Variants in MBNL2 observed in about 807,000 individuals in gnomAD.
MBNL2 encodes muscleblind like splicing regulator 2.
MBNL2 carries 17 observed loss-of-function variants against 41.9 expected under a neutral mutation model. The observed-to-expected ratio is 0.41, with a 90% CI of 0.28 to 0.61. MBNL2 has a LOEUF of 0.61. Among genes scored for constraint, MBNL2 ranks in the 20% least tolerant of loss-of-function variants. The pLI is 0.35. For synonymous variants in MBNL2, 195 were observed against 182.9 expected (o/e 1.07, Z -0.53); for missense variants, 336 against 505.6 (o/e 0.66, Z 3.22).
At chr13:97,191,379 G>T in the MBNL2 span, among the ~76,000 whole-genome samples, 1 of 149,554 alleles carries the variant, frequency 6.7e-6, no homozygotes, top group African/African-American at 2.5e-5. Context: ...GCCTTGAGGA[G>T]TCCCTGTTTC....
At chr13:97,273,038 TG>T (rs1566381439) in intron 1 of MBNL2, among the ~76,000 whole-genome samples, 1 of 152,258 alleles carries the variant, frequency 6.6e-6, no homozygotes, top group African/African-American at 2.4e-5. Flanking sequence ...GCATAGCTCC[TG>T]GAGAACTTTT....
chr13:97,169,227 T>C, the MBNL2 span, among the ~76,000 whole-genome samples: 16 of 152,236 alleles, frequency 1.1e-4, no homozygotes, highest in Non-Finnish European at 1.9e-4. Flanking sequence ...ACTTGATTAC[T>C]CTGTTCTTGT....
intron 2 of MBNL2, among the ~76,000 whole-genome samples, chr13:97,296,475 T>C (rs970694002): frequency 3.3e-5 from 5 of 152,104 alleles, no homozygotes; most frequent in Non-Finnish European, 7.4e-5. Context: ...AGAGAAACTG[T>C]TTTTCCCCCC....
At chr13:97,227,281 C>T (rs574819680) in intron 1 of MBNL2, among the ~76,000 whole-genome samples, 4 of 152,134 alleles carry the variant, frequency 2.6e-5, no homozygotes, top group Admixed American at 2.6e-4. Context: ...ATGGGCAGGT[C>T]CAAGGTTTAT....
At chr13:97,304,892 G>T (rs1566405409) in intron 2 of MBNL2, among the ~76,000 whole-genome samples, 6 of 152,298 alleles carry the variant, frequency 3.9e-5, no homozygotes, top group African/African-American at 1.2e-4. Context: ...AAGTTGGAGG[G>T]ATACCAGCTC....
chr13:97,248,974 C>G (rs1458141947), intron 1 of MBNL2, among the ~76,000 whole-genome samples: 1 of 152,136 alleles, frequency 6.6e-6, no homozygotes, highest in Non-Finnish European at 1.5e-5. Flanking sequence ...AATCTCTTTT[C>G]TTAAAAGTGG....
intron 8 of MBNL2, among the ~76,000 whole-genome samples, chr13:97,389,625 G>T (rs1362459732): frequency 2.0e-5 from 3 of 152,086 alleles, no homozygotes; most frequent in African/African-American, 7.2e-5. Flanking sequence ...AGGATTGCTT[G>T]AGGCCAGGAA....
At chr13:97,255,630 T>C (rs1308756751) in intron 1 of MBNL2, among the ~76,000 whole-genome samples, 2 of 152,248 alleles carry the variant, frequency 1.3e-5, no homozygotes, top group Non-Finnish European at 2.9e-5. Flanking sequence ...AGGCTACCCG[T>C]AGATGGCAGC....
Position 97,350,016 on chromosome 13 carries a change from A to G in MBNL2, c.804+2949A>G, listed in dbSNP as rs188144830. Among the ~76,000 whole-genome samples, 566 of 152,314 alleles carry G rather than the reference A, an allele frequency of 3.7e-3. 3 individuals carry two copies. The highest frequency in any genetic ancestry group is 0.013 in the African/African-American group (544 of 41,574). ...CTGTGATTGACTCAGCCTGGGTCCCAGTGGCTATCCTTGGTCACTGAGGTA... is the reference window on the plus strand; with the variant it reads ...CTGTGATTGACTCAGCCTGGGTCCCGGTGGCTATCCTTGGTCACTGAGGTA... On this transcript the variant is annotated intron_variant, in intron 5 of 8. Coordinates refer to ENST00000679496, the MANE Select transcript of MBNL2 (RefSeq NM_001382683.1).
intron 2 of MBNL2, among the ~76,000 whole-genome samples, chr13:97,291,047 G>A (rs1350376559): frequency 6.6e-6 from 1 of 152,112 alleles, no homozygotes; most frequent in Non-Finnish European, 1.5e-5. Context: ...TGAGTACAGG[G>A]ATGACAGGCT....
chr13:97,175,352 C>T, the MBNL2 span, among the ~76,000 whole-genome samples: 36 of 152,168 alleles, frequency 2.4e-4, no homozygotes, highest in African/African-American at 8.0e-4. Context: ...TACAACGAAT[C>T]CTGACTTGAA....
At chr13:97,311,291 G>A (rs910684888) in intron 2 of MBNL2, among the ~76,000 whole-genome samples, 2 of 152,138 alleles carry the variant, frequency 1.3e-5, no homozygotes, top group African/African-American at 4.8e-5. Flanking sequence ...AGCAAGGTGC[G>A]TGATCGGCTC....
chr13:97,310,704 C>T, intron 2 of MBNL2, among the ~76,000 whole-genome samples: 1 of 151,726 alleles, frequency 6.6e-6, no homozygotes, highest in African/African-American at 2.4e-5. Context: ...GCTGGGATTA[C>T]AGGAGTGAAC....
intron 7 of MBNL2, among the ~76,000 whole-genome samples, chr13:97,359,517 T>TAAAGCAAGGATAAACATTTCC (rs1385931637): frequency 6.6e-6 from 1 of 152,194 alleles, no homozygotes; most frequent in Non-Finnish European, 1.5e-5. Context: ...TTAAACATTT[T>TAAAGCAAGGATAAACATTTCC]AAAGCAAGGA....
intron 1 of MBNL2, among the ~76,000 whole-genome samples, chr13:97,264,200 T>G (rs2049262868): frequency 6.6e-6 from 1 of 151,828 alleles, no homozygotes; most frequent in Non-Finnish European, 1.5e-5. Flanking sequence ...GCTAATTTTT[T>G]GTATTTTTAG....
chr13:97,265,490 G>T (rs1007178730), intron 1 of MBNL2, among the ~76,000 whole-genome samples: 2 of 152,190 alleles, frequency 1.3e-5, no homozygotes, highest in Non-Finnish European at 2.9e-5. Context: ...GTTAGTTTTA[G>T]AAGACAGTCT....
chr13:97,213,350 A>C, the MBNL2 span, among the ~76,000 whole-genome samples: 1 of 152,208 alleles, frequency 6.6e-6, no homozygotes, highest in Non-Finnish European at 1.5e-5. Flanking sequence ...GAGTTTTCCA[A>C]AATAAAACCC....
the MBNL2 span, among the ~76,000 whole-genome samples, chr13:97,148,220 A>T: frequency 1.3e-5 from 2 of 152,214 alleles, no homozygotes; most frequent in South Asian, 4.1e-4. Flanking sequence ...GGCTTCTTGT[A>T]TGATTAGCAA....
chr13:97,221,970 G>A (rs2040898162), upstream of MBNL2, among the ~76,000 whole-genome samples: 1 of 152,166 alleles, frequency 6.6e-6, no homozygotes, highest in African/African-American at 2.4e-5. Context: ...TCAGTTTCAT[G>A]TACAACCTGG....
Sources: gnomAD v4.1 joint callset for allele counts (sites outside exome capture counted in the v4.1 genomes callset) on GRCh38, gnomAD v4.1.1 for gene constraint, MANE v1.5 for transcripts, NCBI Gene and HGNC (gene_info 2026-07-23, HGNC 2026-07-21) for gene names.